The following VPS4B variants were observed in gnomAD, a reference collection of about 807,000 sequenced individuals.
VPS4B encodes vacuolar protein sorting-associated protein 4B.
VPS4B carries 23 observed loss-of-function variants against 56.1 expected under a neutral mutation model. The observed-to-expected ratio is 0.41, with a 90% CI of 0.30 to 0.58. The LOEUF (loss-of-function observed/expected upper bound fraction) is 0.58. Ranked by LOEUF, VPS4B falls within the 20% of genes least tolerant of loss-of-function variation. The pLI, the probability that VPS4B is intolerant of heterozygous loss-of-function variation, is 0.29. For synonymous variants in VPS4B, 177 were observed against 186.0 expected (o/e 0.95, Z 0.39); for missense variants, 372 against 531.9 (o/e 0.70, Z 2.96).
At chr18:63,399,835 A>G (rs1178458934) in intron 7 of VPS4B, among the ~76,000 whole-genome samples, 2 of 152,164 alleles carry the variant, frequency 1.3e-5, no homozygotes, top group Non-Finnish European at 2.9e-5. Flanking sequence ...GTTATAAAAT[A>G]AACAAAAACG....
chr18:63,402,182 G>A (rs550350796), intron 5 of VPS4B, among the ~76,000 whole-genome samples: 2 of 152,290 alleles, frequency 1.3e-5, no homozygotes, highest in African/African-American at 4.8e-5. Context: ...CAGTGTCTGA[G>A]TATGGTACAT....
chr18:63,412,009 G>T (rs1916056030), intron 1 of VPS4B, among the ~76,000 whole-genome samples: 1 of 152,108 alleles, frequency 6.6e-6, no homozygotes, highest in South Asian at 2.1e-4. Context: ...AATGTAAATG[G>T]GGTGAAACCT....
At chr18:63,400,738 T>C in intron 5 of VPS4B, 35 bp from the exon 6 acceptor site, 2 of 1,576,608 alleles carry the variant, frequency 1.3e-6, no homozygotes, top group Non-Finnish European at 1.7e-6. Flanking sequence ...TCATGAGAAT[T>C]TTAACACTTA....
intron 8 of VPS4B, among the ~76,000 whole-genome samples, chr18:63,398,146 G>A (rs988624325): frequency 6.6e-6 from 1 of 150,818 alleles, no homozygotes; most frequent in African/African-American, 2.5e-5. Context: ...TAGATAGATA[G>A]ATGTGTGTGT....
chr18:63,411,654 A>ATTTT, intron 1 of VPS4B, 76 bp from the exon 2 acceptor site: 2 of 994,524 alleles, frequency 2.0e-6, no homozygotes, highest in Non-Finnish European at 2.6e-6. Context: ...TCATACTGAA[A>ATTTT]GTTTTTTTTT....
At chr18:63,419,252 G>A (rs72946585) in intron 1 of VPS4B, among the ~76,000 whole-genome samples, 20,537 of 152,074 alleles carry the variant, frequency 0.14, 1,889 homozygotes, top group Non-Finnish European at 0.21. Flanking sequence ...GCGAATCCCC[G>A]TCTCTACAAA....
chr18:63,403,246 TC>T (rs955594559), intron 5 of VPS4B, among the ~76,000 whole-genome samples: 3 of 152,216 alleles, frequency 2.0e-5, no homozygotes, highest in African/African-American at 7.2e-5. Flanking sequence ...AGTAAAAATC[TC>T]CTATAATCTT....
intron 6 of VPS4B, among the ~76,000 whole-genome samples, 160 bp downstream of exon 6, chr18:63,400,387 A>G (rs549962759): frequency 6.6e-6 from 1 of 152,362 alleles, no homozygotes; most frequent in Non-Finnish European, 1.5e-5. Flanking sequence ...ATCTTTTCCC[A>G]CAAAAGAAAT....
intron 10 of VPS4B, among the ~76,000 whole-genome samples, chr18:63,391,710 T>G (rs1004576852): frequency 3.9e-5 from 6 of 152,206 alleles, no homozygotes; most frequent in Non-Finnish European, 8.8e-5. Context: ...CCTTATCTCT[T>G]TTTCTTAAAC....
intron 1 of VPS4B, among the ~76,000 whole-genome samples, chr18:63,413,538 CAAAA>C (rs11363766): frequency 1.8e-4 from 15 of 81,744 alleles, no homozygotes; most frequent in African/African-American, 5.3e-4. Flanking sequence ...GACTCCACCT[CAAAA>C]AAAAAAAAAA....
At chr18:63,398,204 C>CACACATATATATAT (rs1298374245) in intron 8 of VPS4B, among the ~76,000 whole-genome samples, 2 of 112,446 alleles carry the variant, frequency 1.8e-5, no homozygotes, top group African/African-American at 6.5e-5. Context: ...CACACACACA[C>CACACATATATATAT]ATATATATAT....
intron 6 of VPS4B, 46 bp downstream of exon 6, chr18:63,400,501 A>G: frequency 6.4e-7 from 1 of 1,556,552 alleles, no homozygotes. Flanking sequence ...GTGATACAGT[A>G]ATTACAGGCA....
chr18:63,397,454 C>G (rs1915696973), intron 8 of VPS4B, among the ~76,000 whole-genome samples: 1 of 152,146 alleles, frequency 6.6e-6, no homozygotes, highest in South Asian at 2.1e-4. Flanking sequence ...GTGGCTGAAT[C>G]TTTCGTGCAT....
chr18:63,401,114 G>C (rs1446213661), intron 5 of VPS4B, among the ~76,000 whole-genome samples: 3 of 152,256 alleles, frequency 2.0e-5, no homozygotes, highest in South Asian at 2.1e-4. Context: ...ATAAAAAATG[G>C]GCAGCTGGAA....
chr18:63,418,787 CTT>C, intron 1 of VPS4B, among the ~76,000 whole-genome samples: 1 of 152,250 alleles, frequency 6.6e-6, no homozygotes, highest in East Asian at 1.9e-4. Flanking sequence ...CTAACGTGGT[CTT>C]TGTTTTGCCT....
intron 1 of VPS4B, among the ~76,000 whole-genome samples, chr18:63,417,657 A>G (rs889459590): frequency 6.6e-6 from 1 of 151,752 alleles, no homozygotes; most frequent in Admixed American, 6.6e-5. Flanking sequence ...CTGAGCATGC[A>G]TATGTTTTTT....
chr18:63,394,184 A>C (rs1915618722), intron 9 of VPS4B, among the ~76,000 whole-genome samples: 1 of 152,216 alleles, frequency 6.6e-6, no homozygotes, highest in African/African-American at 2.4e-5. Context: ...AAGTGGTAGT[A>C]ATCTTAAAGA....
intron 6 of VPS4B, 56 bp downstream of exon 6, chr18:63,400,491 G>A: frequency 6.6e-7 from 1 of 1,518,524 alleles, no homozygotes; most frequent in Non-Finnish European, 8.9e-7. Flanking sequence ...CTATTAAGGA[G>A]TGATACAGTA....
chr18:63,419,980 A>G (rs1368267511), intron 1 of VPS4B, among the ~76,000 whole-genome samples: 1 of 152,222 alleles, frequency 6.6e-6, no homozygotes, highest in Non-Finnish European at 1.5e-5. Flanking sequence ...TATTAATCCA[A>G]ATTTCCTAGG....
Sources: gnomAD v4.1 joint callset for allele counts (sites outside exome capture counted in the v4.1 genomes callset) on GRCh38, gnomAD v4.1.1 for gene constraint, MANE v1.5 for transcripts, NCBI Gene and HGNC (gene_info 2026-07-23, HGNC 2026-07-21) for gene names.